FKBP15: variants seen among roughly 807,000 people sequenced by gnomAD.
The protein encoded by FKBP15 is FK506-binding protein 15.
FKBP15 carries 106 observed loss-of-function variants against 158.1 expected under a neutral mutation model. That is an observed-to-expected ratio of 0.67 (90% CI 0.57 to 0.79). FKBP15 has a LOEUF of 0.79. Ranked by LOEUF, FKBP15 falls within the 30% of genes least tolerant of loss-of-function variation. The pLI is 0.00. For missense variants in FKBP15, 1,287 were observed against 1,479.1 expected (o/e 0.87, Z 2.13); for synonymous variants, 547 against 548.6 (o/e 1.00, Z 0.04).
In FKBP15 at chr9:113,192,020, A is replaced by G. The variant is rs74440977; in HGVS notation, c.1066-1442T>C. On this transcript the variant is annotated intron_variant, in intron 11 of 27. Coordinates refer to ENST00000238256, the MANE Select transcript of FKBP15 (RefSeq NM_015258.2). The stretch of plus-strand genomic sequence containing the variant: ...TAACGTGAATTTTGCCTCCATTAAA[A>G]AAAACAAATTTGTTTAAAAAAAAAA... 8.3e-5 allele frequency among the ~76,000 whole-genome samples: 12 copies of G among 143,902 alleles called. No homozygotes were observed. In the East Asian group the frequency reaches 1.9e-3, roughly 23 times the overall value. 94.4% of individuals were successfully genotyped at this position (143,902 alleles called of 152,430 possible). A position where few individuals can be genotyped will look rare whatever the true frequency, so the allele number is the denominator to read the frequency against.
chr9:113,168,353 G>T, intron 27 of FKBP15, 107 bp downstream of exon 27: 2 of 939,306 alleles, frequency 2.1e-6, no homozygotes, highest in Non-Finnish European at 3.3e-6. Flanking sequence ...TGCACACAGA[G>T]TCCAGGGAGT....
chr9:113,209,881 T>C (rs184331773), intron 2 of FKBP15, among the ~76,000 whole-genome samples: 2 of 152,348 alleles, frequency 1.3e-5, no homozygotes, highest in Admixed American at 1.3e-4. Flanking sequence ...GAATCTCAAA[T>C]AAAAGCCAAT....
At chr9:113,186,167 T>C (rs1339628449) in intron 15 of FKBP15, 82 bp downstream of exon 15, 1 of 899,340 alleles carries the variant, frequency 1.1e-6, no homozygotes, top group African/African-American at 1.7e-5. Context: ...AGAGAGCTGT[T>C]GGTGTGAAAA....
At chr9:113,197,778 T>G (rs897310758) in intron 8 of FKBP15, among the ~76,000 whole-genome samples, 38 of 152,262 alleles carry the variant, frequency 2.5e-4, no homozygotes, top group African/African-American at 9.2e-4. Context: ...TATCCCCATT[T>G]TACTTCAATA....
In FKBP15 at chr9:113,163,123, C is replaced by T. The variant is rs568238005; in HGVS notation, c.*2955G>A. On this transcript the variant is annotated 3_prime_UTR_variant, in exon 28 of 28. Transcript: ENST00000238256. ...CCTTCTCAGCCAGCCTACGTAGGGC[C>T]CAGGCATGGTCTTGTGTCTTAAGAC... 1 of 472,320 alleles carries T rather than the reference C, an allele frequency of 2.1e-6. No individual in the cohort carries two copies. Among genetic ancestry groups the T allele is most frequent in the Non-Finnish European group, 3.7e-6 (1 of 266,782 alleles). 29.3% of individuals were successfully genotyped at this position (472,320 alleles called of 1,614,324 possible).
At chr9:113,216,252 C>A (rs1409803076) in intron 1 of FKBP15, among the ~76,000 whole-genome samples, 2 of 152,012 alleles carry the variant, frequency 1.3e-5, no homozygotes, top group Non-Finnish European at 2.9e-5. Flanking sequence ...GTGAAGTAAA[C>A]ATTGAAACTT....
Position 113,190,429 on chromosome 9 carries a change from G to A in FKBP15, c.1173+42C>T, listed in dbSNP as rs184753894. ...ACCAAATGAAAAGAAAGATGATGGC[G>A]ACATCTGTACTATTCATTCTAATAC... On this transcript the variant is annotated intron_variant, in intron 12 of 27. Coordinates refer to ENST00000238256, the MANE Select transcript of FKBP15 (RefSeq NM_015258.2). 5.2e-5 allele frequency: 74 copies of A among 1,413,214 alleles called. No individual in the cohort carries two copies. The East Asian group carries it at 1.5e-3, about 28-fold the overall frequency. The allele number at this position is 1,413,214 out of a possible 1,614,324, so 87.5% of individuals were successfully genotyped here.
intron 11 of FKBP15, among the ~76,000 whole-genome samples, chr9:113,192,153 C>T (rs891568643): frequency 4.6e-5 from 7 of 151,994 alleles, no homozygotes; most frequent in Admixed American, 3.3e-4. Flanking sequence ...CAATATTGGA[C>T]CATTTTTGTG....
chr9:113,213,692 C>T (rs10114381), intron 1 of FKBP15, among the ~76,000 whole-genome samples: 50,904 of 151,804 alleles, frequency 0.34, 8,685 homozygotes, highest in African/African-American at 0.39. Context: ...CATGTGATGC[C>T]CCATGCCATC....
chr9:113,161,508 G>A lies in FKBP15; in HGVS notation c.*4570C>T, dbSNP rs756784496. Reference sequence around the variant, plus strand: ...CTCCACAACTCTGCCTCCTTTGACAGGCATGGCCCTTTCGGTGTTGGTGCT... The same window carrying A: ...CTCCACAACTCTGCCTCCTTTGACAAGCATGGCCCTTTCGGTGTTGGTGCT... On this transcript the variant is annotated 3_prime_UTR_variant, in exon 28 of 28. Transcript: ENST00000238256. 3.7e-6 allele frequency: 6 copies of A among 1,613,896 alleles called. No homozygotes were observed. In the Admixed American group the frequency reaches 1.0e-4, roughly 27 times the overall value.
In FKBP15 at chr9:113,178,762, C is replaced by T. The variant is rs1021336265; in HGVS notation, c.1954G>A (p.Val652Ile). The change falls in exon 20 of 28, where the codon GTC becomes ATC. Residue 652 changes from valine to isoleucine, a missense_variant. Physicochemically the swap from Val to Ile is conservative, Grantham distance 29. Transcript: ENST00000238256. ...GTCATTTTCAGCTGCAGATGAGAGA[C>T]CTGTGCAGTGGCCGCTGCTAACTCC... ...TEELAAATAQVSHLQLKMTAH... is the reference protein window; with the variant it reads ...TEELAAATAQISHLQLKMTAH... 1.9e-6 allele frequency: 3 copies of T among 1,609,746 alleles called. No individual in the cohort carries two copies. The African/African-American group carries it at 4.0e-5, about 22-fold the overall frequency.
chr9:113,194,835 T>G (rs1283046556), intron 9 of FKBP15, among the ~76,000 whole-genome samples: 1 of 152,220 alleles, frequency 6.6e-6, no homozygotes, highest in Non-Finnish European at 1.5e-5. Context: ...TCCAAAGGAT[T>G]TTAGGAACTA....
chr9:113,198,980 T>C lies in FKBP15; in HGVS notation c.649-57A>G. On this transcript the variant is annotated intron_variant, in intron 7 of 27. Coordinates refer to ENST00000238256, the MANE Select transcript of FKBP15 (RefSeq NM_015258.2). This position sits in a 1 kb window ranked among gnomAD's most constrained non-coding sequence, Gnocchi z 5.2. Reference sequence around the variant, plus strand: ...CAATTTCAAAAATAATAATAACCATTATGATATTCAACTAACTACATACCA... The same window carrying C: ...CAATTTCAAAAATAATAATAACCATCATGATATTCAACTAACTACATACCA... 1 of 1,198,418 alleles carries C rather than the reference T, an allele frequency of 8.3e-7. No individual in the cohort carries two copies. Among genetic ancestry groups the C allele is most frequent in the Non-Finnish European group, 1.2e-6 (1 of 824,858 alleles). 74.2% of individuals were successfully genotyped at this position (1,198,418 alleles called of 1,614,324 possible).
Position 113,162,149 on chromosome 9 carries a change from C to G in FKBP15, c.*3929G>C. On this transcript the variant is annotated 3_prime_UTR_variant, in exon 28 of 28. Coordinates refer to ENST00000238256, the MANE Select transcript of FKBP15 (RefSeq NM_015258.2). ...CGAATCAGGCAACCATTTAGGGTCC[C>G]TGTTCTGCCCTCTGTCCAGCCCCAG... 1 of 326,748 alleles carries G rather than the reference C, an allele frequency of 3.1e-6. No individual in the cohort carries two copies. The highest frequency in any genetic ancestry group is 5.8e-6 in the Non-Finnish European group (1 of 171,666). 20.2% of individuals were successfully genotyped at this position (326,748 alleles called of 1,614,324 possible).
In FKBP15 at chr9:113,186,487, G is replaced by A. The variant is rs551970613; in HGVS notation, c.1384-124C>T. On this transcript the variant is annotated intron_variant, in intron 14 of 27. Coordinates refer to ENST00000238256, the MANE Select transcript of FKBP15 (RefSeq NM_015258.2). ...GAGACTCAAACTTACTGAAGCTAGAGATGGGTGAGATCTGGGTTTGGCAGT... is the reference window on the plus strand; with the variant it reads ...GAGACTCAAACTTACTGAAGCTAGAAATGGGTGAGATCTGGGTTTGGCAGT... 17 of 701,176 alleles carry A rather than the reference G, an allele frequency of 2.4e-5. No individual in the cohort carries two copies. In the African/African-American group the frequency reaches 2.6e-4, roughly 11 times the overall value. 43.4% of individuals were successfully genotyped at this position (701,176 alleles called of 1,614,324 possible). A position where few individuals can be genotyped will look rare whatever the true frequency, so the allele number is the denominator to read the frequency against.
chr9:113,203,517 G>A (rs967504772), intron 4 of FKBP15, among the ~76,000 whole-genome samples: 1 of 148,834 alleles, frequency 6.7e-6, no homozygotes, highest in Non-Finnish European at 1.5e-5. Flanking sequence ...TTCTGTCGCT[G>A]ATTAATTTTG....
At position 113,162,912 on chromosome 9, in the gene FKBP15, G is replaced by A; in HGVS notation, c.*3166C>T. ...CCTAGCTTACCCACTTCTCAGCACA[G>A]CTTAGCTGGTGAGGAACGTGCAGGC... On this transcript the variant is annotated 3_prime_UTR_variant, in exon 28 of 28. Transcript: ENST00000238256. The A allele has an allele frequency of 1.2e-6, 2 of 1,607,346 alleles. No homozygotes were observed. Among genetic ancestry groups the A allele is most frequent in the East Asian group, 2.2e-5 (1 of 44,488 alleles).
chr9:113,187,430 C>T, intron 14 of FKBP15: 1 of 183,810 alleles, frequency 5.4e-6, no homozygotes, highest in Non-Finnish European at 1.2e-5. Context: ...CCATACCATT[C>T]TGCTGAATAT....
intron 11 of FKBP15, among the ~76,000 whole-genome samples, chr9:113,193,214 G>A (rs1476168314): frequency 1.3e-5 from 2 of 152,102 alleles, no homozygotes; most frequent in African/African-American, 4.8e-5. Context: ...CCAAGTAAGG[G>A]GAAATGAACA....
Sources: allele counts gnomAD v4.1 joint callset (sites outside exome capture counted in the v4.1 genomes callset), GRCh38; gene constraint gnomAD v4.1.1; non-coding constraint Gnocchi (gnomAD v3.1); transcripts MANE v1.5; gene names NCBI Gene and HGNC (gene_info 2026-07-23, HGNC 2026-07-21).